The following MYCBP2 variants were observed in gnomAD, a reference collection of about 807,000 sequenced individuals.
MYCBP2 encodes E3 ubiquitin-protein ligase MYCBP2.
In MYCBP2, 120 loss-of-function variants were observed where a neutral mutation model predicts 525.3. That is an observed-to-expected ratio of 0.23 (90% CI 0.20 to 0.27). The LOEUF is 0.27. Among genes scored for constraint, MYCBP2 ranks in the 10% least tolerant of loss-of-function variants. The pLI is 1.00. For synonymous variants in MYCBP2, 1,894 were observed against 1,955.8 expected (o/e 0.97, Z 0.83); for missense variants, 4,149 against 5,657.1 (o/e 0.73, Z 8.55).
Position 77,066,879 on chromosome 13 carries a change from A to G in MYCBP2, c.12455+702T>C, listed in dbSNP as rs530853647. Reference sequence around the variant, plus strand: ...TGTGAACTGACTACTGGCATTTATAAGTTTTTTTCTGTGAACTGACTGTTC... The same window carrying G: ...TGTGAACTGACTACTGGCATTTATAGGTTTTTTTCTGTGAACTGACTGTTC... On this transcript the variant is annotated intron_variant, in intron 71 of 82. Coordinates refer to ENST00000544440, the MANE Select transcript of MYCBP2 (RefSeq NM_015057.5). 1.8e-4 allele frequency among the ~76,000 whole-genome samples: 28 copies of G among 152,148 alleles called. 1 individual carries two copies. In the South Asian group the frequency reaches 5.8e-3, roughly 32 times the overall value.
chr13:77,283,643 T>C (rs904656232), intron 3 of MYCBP2, among the ~76,000 whole-genome samples: 3 of 152,168 alleles, frequency 2.0e-5, no homozygotes, highest in Non-Finnish European at 4.4e-5. Context: ...CTGCCTGTAA[T>C]CCCAGTACTT....
chr13:77,178,342 T>C lies in MYCBP2; in HGVS notation c.5134-388A>G, dbSNP rs76925591. Among the ~76,000 whole-genome samples, 1,457 of 152,308 alleles carry C rather than the reference T, an allele frequency of 9.6e-3. 25 individuals carry two copies. The highest frequency in any genetic ancestry group is 0.033 in the African/African-American group (1,361 of 41,580). On this transcript the variant is annotated intron_variant, in intron 34 of 82. Transcript: ENST00000544440. Reference sequence around the variant, plus strand: ...CTATGCAACACAGAGCTCTAGAAATTCTGCAGAGATAGGTGTGCAAGGAAG... The same window carrying C: ...CTATGCAACACAGAGCTCTAGAAATCCTGCAGAGATAGGTGTGCAAGGAAG...
At position 77,307,744 on chromosome 13, in the gene MYCBP2, A is replaced by G. The variant is rs190952242; in HGVS notation, c.303-11070T>C. The stretch of plus-strand genomic sequence containing the variant: ...AATACCACAAACTTTCTAGTAGCCA[A>G]TTCAACTGCCCATCTTCAGTCTTTA... On this transcript the variant is annotated intron_variant, in intron 1 of 82. Coordinates refer to ENST00000544440, the MANE Select transcript of MYCBP2 (RefSeq NM_015057.5). 9.2e-5 allele frequency among the ~76,000 whole-genome samples: 14 copies of G among 152,014 alleles called. No individual in the cohort carries two copies. In the East Asian group the frequency reaches 2.7e-3, roughly 29 times the overall value.
rs2046132708 is a variant in MYCBP2 at position 77,095,698 on chromosome 13, A to G, written c.9955-96T>C. ...TTTTGAGTTTCCAATAAAAATTATTAAACACTTGTAAAGCTATTTTAAGAT... is the reference window on the plus strand; with the variant it reads ...TTTTGAGTTTCCAATAAAAATTATTGAACACTTGTAAAGCTATTTTAAGAT... On this transcript the variant is annotated intron_variant, in intron 57 of 82. Transcript: ENST00000544440. 3.0e-6 allele frequency: 4 copies of G among 1,344,498 alleles called. No homozygotes were observed. In the Admixed American group the frequency reaches 9.1e-5, roughly 31 times the overall value. The allele number at this position is 1,344,498 out of a possible 1,614,324, so 83.3% of individuals were successfully genotyped here.
chr13:77,045,453 G>C lies in MYCBP2; in HGVS notation c.13962C>G (p.Leu4654=), dbSNP rs2035360613. ...CCCCAGTGGGTGGATGAACAACATG[G>C]AGTGGACATTCAGTTCCTTCTAACT... ...GKQLEGTECP[L]HVVHPPTGEE... The change falls in exon 83 of 83, where the codon CTC becomes CTG. Residue 4654 remains leucine, a synonymous_variant. Coordinates refer to ENST00000544440, the MANE Select transcript of MYCBP2 (RefSeq NM_015057.5). 9 of 1,613,978 alleles carry C rather than the reference G, an allele frequency of 5.6e-6. No homozygotes were observed. The African/African-American group carries it at 1.2e-4, about 22-fold the overall frequency.
intron 55 of MYCBP2, among the ~76,000 whole-genome samples, chr13:77,101,310 G>A (rs2047028159): frequency 6.6e-6 from 1 of 152,032 alleles, no homozygotes; most frequent in African/African-American, 2.4e-5. Context: ...GGAAGGGTTC[G>A]TGACAAAGAT....
At chr13:77,063,660 C>T (rs2039724721) in intron 73 of MYCBP2, among the ~76,000 whole-genome samples, 1 of 151,750 alleles carries the variant, frequency 6.6e-6, no homozygotes, top group South Asian at 2.1e-4. Flanking sequence ...TGATATATCC[C>T]CTCATTAATG....
In MYCBP2 at chr13:77,210,293, C is replaced by T. The variant is rs531003107; in HGVS notation, c.3416+874G>A. ...CTGCAAATTCCGCCTCCCAGGTTCA[C>T]GCCATTCTCCTGCCTCAGCCTCCCG... On this transcript the variant is annotated intron_variant, in intron 23 of 82. Transcript: ENST00000544440. 4.6e-5 allele frequency among the ~76,000 whole-genome samples: 7 copies of T among 151,080 alleles called. No homozygotes were observed. The South Asian group carries it at 6.3e-4, about 14-fold the overall frequency.
In MYCBP2 at chr13:77,101,243, G is replaced by A. The variant is rs561888637; in HGVS notation, c.8141-2230C>T. ...CAAAAAATCCATCTGTAAACTGAAA[G>A]AGGTTTTCTCTCTAATTTATAAAAA... On this transcript the variant is annotated intron_variant, in intron 55 of 82. Transcript: ENST00000544440. 2.6e-5 allele frequency among the ~76,000 whole-genome samples: 4 copies of A among 152,126 alleles called. No individual in the cohort carries two copies. In the South Asian group the frequency reaches 8.3e-4, roughly 31 times the overall value.
rs1392066314 is a variant in MYCBP2 at position 77,206,741 on chromosome 13, G to A, written c.3501C>T (p.Ser1167=). ...GTTCAGGACTTAGGATACTACATCTGGACTGCATGTCTGCTGCAGAGGGAA... is the reference window on the plus strand; with the variant it reads ...GTTCAGGACTTAGGATACTACATCTAGACTGCATGTCTGCTGCAGAGGGAA... The part of the protein sequence containing the change: ...ARLPSAADMQ[S]RCSILSPELA... Residue 1167 remains serine, a synonymous_variant, in exon 24 of 83, where the codon TCC becomes TCT. Transcript: ENST00000544440. The A allele has an allele frequency of 1.2e-6, 2 of 1,613,020 alleles. No individual in the cohort carries two copies. The highest frequency in any genetic ancestry group is 3.3e-5 in the Admixed American group (2 of 59,836).
chr13:77,279,491 A>C (rs1192063862), intron 3 of MYCBP2, among the ~76,000 whole-genome samples: 2 of 152,212 alleles, frequency 1.3e-5, no homozygotes, highest in African/African-American at 4.8e-5. Context: ...GTTTAAGGAT[A>C]TACCTTCATA....
chr13:77,226,409 T>C (rs2066272331), intron 18 of MYCBP2, among the ~76,000 whole-genome samples: 1 of 152,234 alleles, frequency 6.6e-6, no homozygotes, highest in Non-Finnish European at 1.5e-5. Context: ...ACTTACTTTT[T>C]CTAATCACAA....
intron 28 of MYCBP2, among the ~76,000 whole-genome samples, chr13:77,190,981 A>G (rs1377856857): frequency 6.6e-6 from 1 of 152,208 alleles, no homozygotes; most frequent in East Asian, 1.9e-4. Flanking sequence ...TTTATCTTAC[A>G]AATGATAGTC....
At chr13:77,244,201 C>T (rs191371725) in intron 15 of MYCBP2, among the ~76,000 whole-genome samples, 2 of 152,282 alleles carry the variant, frequency 1.3e-5, no homozygotes, top group Admixed American at 1.3e-4. Flanking sequence ...CACACAGATT[C>T]GACTATCATC....
intron 21 of MYCBP2, among the ~76,000 whole-genome samples, chr13:77,214,081 C>G (rs1050066038): frequency 2.0e-5 from 3 of 152,202 alleles, no homozygotes; most frequent in African/African-American, 7.2e-5. Context: ...TGGATCCGAA[C>G]TTTGAGGATC....
At position 77,097,577 on chromosome 13, in the gene MYCBP2, G is replaced by A. The variant is rs143363601; in HGVS notation, c.9577C>T (p.Leu3193Phe). The A allele has an allele frequency of 1.9e-6, 3 of 1,612,798 alleles. No homozygotes were observed. Among genetic ancestry groups the A allele is most frequent in the Non-Finnish European group, 2.5e-6 (3 of 1,179,696 alleles). The change falls in exon 56 of 83, where the codon CTT (leucine) becomes TTT (phenylalanine). Residue 3193 changes from leucine to phenylalanine, a missense_variant. Leu to Phe is a conservative substitution (Grantham distance 22). Coordinates refer to ENST00000544440, the MANE Select transcript of MYCBP2 (RefSeq NM_015057.5). ...IFPSPGSCAV[L>F]KKKECEKENK... ...TCTTTCTCACACTCTTTCTTTTTAA[G>A]AACTGCACAGGAACCAGGACTTGGA... is the stretch of plus-strand genomic sequence containing the variant.
At chr13:77,230,674 T>C (rs1420668174) in intron 18 of MYCBP2, among the ~76,000 whole-genome samples, 2 of 152,228 alleles carry the variant, frequency 1.3e-5, no homozygotes, top group Non-Finnish European at 2.9e-5. Context: ...ATCCCTGCAC[T>C]ATCAGAAAGC....
At chr13:77,210,203 CTT>C (rs1172865301) in intron 23 of MYCBP2, among the ~76,000 whole-genome samples, 23 of 138,142 alleles carry the variant, frequency 1.7e-4, no homozygotes, top group Admixed American at 1.5e-4. Context: ...ATTTTTTTTT[CTT>C]TTTTTTTTTT....
At chr13:77,162,935 A>G (rs1595034368) in intron 43 of MYCBP2, among the ~76,000 whole-genome samples, 1 of 152,294 alleles carries the variant, frequency 6.6e-6, no homozygotes, top group African/African-American at 2.4e-5. Flanking sequence ...GATTACAGGC[A>G]TGATCATACT....
Sources: allele counts gnomAD v4.1 joint callset (sites outside exome capture counted in the v4.1 genomes callset), GRCh38; gene constraint gnomAD v4.1.1; transcripts MANE v1.5; gene names NCBI Gene and HGNC (gene_info 2026-07-23, HGNC 2026-07-21).